The following FTO variants were observed in gnomAD, a reference collection of about 807,000 sequenced individuals.
FTO encodes the protein FTO alpha-ketoglutarate dependent dioxygenase.
A neutral mutation model predicts 63.9 loss-of-function variants in FTO; 47 were observed. The observed-to-expected ratio is 0.74, with a 90% CI of 0.58 to 0.94. The LOEUF (loss-of-function observed/expected upper bound fraction) is 0.94, where lower values mean the gene tolerates loss of function less well. Ranked by LOEUF, FTO falls within the 40% of genes least tolerant of loss-of-function variation. The pLI is 0.00. For synonymous variants in FTO, 207 were observed against 224.4 expected (o/e 0.92, Z 0.69); for missense variants, 562 against 618.1 (o/e 0.91, Z 0.96).
chr16:53,977,906 T>G (rs2083463873), intron 8 of FTO, among the ~76,000 whole-genome samples: 1 of 152,130 alleles, frequency 6.6e-6, no homozygotes, highest in Non-Finnish European at 1.5e-5. Flanking sequence ...GTGTTCAGGT[T>G]GGAATGCAGT....
At chr16:53,874,162 G>T (rs980797959) in intron 5 of FTO, among the ~76,000 whole-genome samples, 1 of 152,184 alleles carries the variant, frequency 6.6e-6, no homozygotes, top group East Asian at 1.9e-4. Context: ...GGTTGTATCT[G>T]TCAAGGTCAA....
rs1054910923 is a variant in FTO, at chr16:54,075,285, A to T, written c.1365-36477A>T. Among the ~76,000 whole-genome samples the T allele has an allele frequency of 2.0e-5, 3 of 152,192 alleles. No individual in the cohort carries two copies. The South Asian group carries it at 6.2e-4, about 32-fold the overall frequency. ...AATATCTGTTGGTAATGGCAATATT[A>T]TTAACGTACTTTTTACTTTTAAAAA... is the stretch of plus-strand genomic sequence containing the variant. On this transcript the variant is annotated intron_variant, in intron 8 of 8. Transcript: ENST00000471389.
intron 1 of FTO, among the ~76,000 whole-genome samples, chr16:53,783,612 A>ATC (rs1223057453): frequency 4.3e-4 from 65 of 149,542 alleles, no homozygotes; most frequent in Admixed American, 9.3e-4. Flanking sequence ...CATAAAAAAA[A>ATC]AAAAAAAAAA....
chr16:53,709,816 G>A (rs914298415), intron 1 of FTO, among the ~76,000 whole-genome samples: 1 of 152,056 alleles, frequency 6.6e-6, no homozygotes, highest in Non-Finnish European at 1.5e-5. Context: ...GTAAGTCGGA[G>A]ACATCAGTCC....
At chr16:53,878,239 G>A (rs1282673330) in intron 5 of FTO, among the ~76,000 whole-genome samples, 1 of 152,056 alleles carries the variant, frequency 6.6e-6, no homozygotes, top group Non-Finnish European at 1.5e-5. Flanking sequence ...CAGAGGTTGC[G>A]GTGAGCCAAG....
chr16:53,845,626 G>A (rs1435330883), intron 4 of FTO, among the ~76,000 whole-genome samples: 2 of 152,274 alleles, frequency 1.3e-5, no homozygotes, highest in East Asian at 3.9e-4. Flanking sequence ...GTATCACTAG[G>A]TATAATTAGA....
In FTO at chr16:54,119,967, C is replaced by T. The variant is rs942376620; in HGVS notation, c.*8052C>T. 2.0e-5 allele frequency: 3 copies of T among 152,228 alleles called. No individual in the cohort carries two copies. The highest frequency in any genetic ancestry group is 7.2e-5 in the African/African-American group (3 of 41,458). 9.4% of individuals were successfully genotyped at this position (152,228 alleles called of 1,614,324 possible). On this transcript the variant is annotated 3_prime_UTR_variant, in exon 9 of 9. Coordinates refer to ENST00000471389, the MANE Select transcript of FTO (RefSeq NM_001080432.3). ...CCTGTTCGATTTCCCAAGATTTAGACTGGGTCGGGTTGTTATTTCTTTTTT... is the reference window on the plus strand; with the variant it reads ...CCTGTTCGATTTCCCAAGATTTAGATTGGGTCGGGTTGTTATTTCTTTTTT...
chr16:54,004,093 C>T (rs1378337864), intron 8 of FTO, among the ~76,000 whole-genome samples: 1 of 152,178 alleles, frequency 6.6e-6, no homozygotes, highest in African/African-American at 2.4e-5. Flanking sequence ...TGTACCCAAA[C>T]TGACTTTACT....
At chr16:53,873,195 T>G (rs1473651829) in intron 4 of FTO, among the ~76,000 whole-genome samples, 1 of 151,852 alleles carries the variant, frequency 6.6e-6, no homozygotes, top group Admixed American at 6.6e-5. Context: ...AATTCTGGTT[T>G]ATTCTAAAGA....
chr16:53,971,354 G>A (rs989427494), intron 8 of FTO, among the ~76,000 whole-genome samples: 6 of 152,166 alleles, frequency 3.9e-5, no homozygotes, highest in Non-Finnish European at 7.3e-5. Flanking sequence ...TTACCAGATT[G>A]CTTTCCAAAA....
chr16:53,858,799 T>G (rs1184486029), intron 4 of FTO, among the ~76,000 whole-genome samples: 2 of 152,062 alleles, frequency 1.3e-5, no homozygotes, highest in Non-Finnish European at 2.9e-5. Flanking sequence ...CGGCTGGGAC[T>G]ATAGGCTCGT....
intron 8 of FTO, among the ~76,000 whole-genome samples, chr16:53,936,887 T>C (rs888982795): frequency 1.3e-5 from 2 of 152,196 alleles, no homozygotes; most frequent in Admixed American, 1.3e-4. Flanking sequence ...ATAAGTCTTT[T>C]GTAATAAAGG....
chr16:54,071,034 G>A (rs2085854105), intron 8 of FTO: 1 of 152,224 alleles, frequency 6.6e-6, no homozygotes, highest in African/African-American at 2.4e-5. Context: ...TACTGGCATT[G>A]GGAATGGCAT....
rs114204575 is a variant in FTO, at chr16:54,111,652, C to G, written c.1365-110C>G. ...TTCAGTCGTCACCATGACCTTCACCCCCGAGGACTGTCTTTGGAGCATTGG... is the reference window on the plus strand; with the variant it reads ...TTCAGTCGTCACCATGACCTTCACCGCCGAGGACTGTCTTTGGAGCATTGG... On this transcript the variant is annotated intron_variant, in intron 8 of 8. Transcript: ENST00000471389. 2.0e-3 allele frequency: 2,323 copies of G among 1,146,094 alleles called. 25 individuals are homozygous for G. The African/African-American group carries it at 0.027, about 13-fold the overall frequency. 71.0% of individuals were successfully genotyped at this position (1,146,094 alleles called of 1,614,324 possible).
At chr16:53,879,817 T>A in intron 5 of FTO, 27 bp from the exon 6 acceptor site, 1 of 1,613,108 alleles carries the variant, frequency 6.2e-7, no homozygotes, top group Non-Finnish European at 8.5e-7. Context: ...TTGCCCATAA[T>A]TGTGATTGCT....
intron 8 of FTO, among the ~76,000 whole-genome samples, chr16:54,083,981 A>G (rs1267412574): frequency 1.3e-5 from 2 of 152,156 alleles, no homozygotes; most frequent in African/African-American, 2.4e-5. Context: ...ATGCTCCAAA[A>G]TCCAAAACTT....
At chr16:53,806,373 G>C (rs576226875) in intron 1 of FTO, among the ~76,000 whole-genome samples, 28 of 152,228 alleles carry the variant, frequency 1.8e-4, no homozygotes, top group Middle Eastern at 3.4e-3. Context: ...GAGTAGTCTT[G>C]GCTCTGCCTT....
chr16:53,939,591 C>G (rs1051655944), intron 8 of FTO, among the ~76,000 whole-genome samples: 6 of 152,120 alleles, frequency 3.9e-5, no homozygotes, highest in Admixed American at 2.6e-4. Context: ...AAATGAAACC[C>G]GGCATCTGTT....
intron 1 of FTO, among the ~76,000 whole-genome samples, chr16:53,809,576 A>T (rs948972000): frequency 1.3e-5 from 2 of 152,218 alleles, no homozygotes; most frequent in African/African-American, 4.8e-5. Flanking sequence ...GAGTGAATCA[A>T]ATTGTCTCAT....
Sources: gnomAD v4.1 joint callset for allele counts (sites outside exome capture counted in the v4.1 genomes callset) on GRCh38, gnomAD v4.1.1 for gene constraint, MANE v1.5 for transcripts, NCBI Gene and HGNC (gene_info 2026-07-23, HGNC 2026-07-21) for gene names.